The following GALNT13 variants were observed in gnomAD, a reference collection of about 807,000 sequenced individuals.
The protein encoded by GALNT13 is polypeptide N-acetylgalactosaminyltransferase 13, also known as UDP-GalNAc:polypeptide N-acetylgalactosaminyltransferase 13.
In GALNT13, 28 loss-of-function variants were observed where a neutral mutation model predicts 64.2. The observed-to-expected ratio is 0.44, with a 90% CI of 0.32 to 0.60. The LOEUF is 0.60. Ranked by LOEUF, GALNT13 falls within the 20% of genes least tolerant of loss-of-function variation. The pLI is 0.05. For missense variants in GALNT13, 577 were observed against 669.8 expected, an observed-to-expected ratio of 0.86 and a Z score of 1.53; for synonymous variants, 214 against 224.6, an observed-to-expected ratio of 0.95 and a Z score of 0.42.
intron 9 of GALNT13, among the ~76,000 whole-genome samples, chr2:154,317,420 G>T (rs1217756715): frequency 1.3e-5 from 2 of 152,092 alleles, no homozygotes; most frequent in Non-Finnish European, 2.9e-5. Context: ...ATATTCAAAG[G>T]CTAGATGTTA....
the GALNT13 span, among the ~76,000 whole-genome samples, chr2:153,689,861 C>A: frequency 1.3e-5 from 2 of 151,932 alleles, no homozygotes; most frequent in Admixed American, 1.3e-4. Flanking sequence ...AATCTTGAAT[C>A]TGTTTTTTTC....
intron 1 of GALNT13, among the ~76,000 whole-genome samples, chr2:153,890,365 CAG>C (rs1410231042): frequency 6.6e-6 from 1 of 151,918 alleles, no homozygotes; most frequent in African/African-American, 2.4e-5. Flanking sequence ...GGTTCAAGGA[CAG>C]GGAGTTTTGT....
chr2:154,005,609 G>A (rs997990777), intron 3 of GALNT13, among the ~76,000 whole-genome samples: 20 of 152,076 alleles, frequency 1.3e-4, no homozygotes, highest in Non-Finnish European at 1.9e-4. Flanking sequence ...AGCACACAGC[G>A]AGTTTATTAT....
chr2:153,345,395 A>T, the GALNT13 span, among the ~76,000 whole-genome samples: 1 of 152,144 alleles, frequency 6.6e-6, no homozygotes, highest in Non-Finnish European at 1.5e-5. Context: ...TTGCTGCAGG[A>T]GAATGTCTTG....
chr2:154,305,327 G>A (rs1693670528), intron 9 of GALNT13, among the ~76,000 whole-genome samples: 1 of 151,928 alleles, frequency 6.6e-6, no homozygotes, highest in Admixed American at 6.6e-5. Context: ...AGGGGTGGGA[G>A]CTACATGCAT....
At chr2:153,161,770 A>G in the GALNT13 span, among the ~76,000 whole-genome samples, 2 of 152,210 alleles carry the variant, frequency 1.3e-5, no homozygotes, top group Non-Finnish European at 2.9e-5. Context: ...CTTGTAAGCC[A>G]TAATAAGACC....
At chr2:153,761,233 G>A in the GALNT13 span, among the ~76,000 whole-genome samples, 1 of 152,056 alleles carries the variant, frequency 6.6e-6, no homozygotes, top group South Asian at 2.1e-4. Context: ...AAAGTAATTA[G>A]TGATAGGTAA....
intron 3 of GALNT13, among the ~76,000 whole-genome samples, chr2:154,130,706 T>C (rs1019403374): frequency 6.6e-6 from 1 of 152,184 alleles, no homozygotes; most frequent in African/African-American, 2.4e-5. Flanking sequence ...AAAATATATG[T>C]CCACTTCCTA....
chr2:153,313,633 C>T, the GALNT13 span, among the ~76,000 whole-genome samples: 1 of 152,198 alleles, frequency 6.6e-6, no homozygotes, highest in Non-Finnish European at 1.5e-5. Context: ...GTAATTTGTA[C>T]AACAAACTCT....
chr2:153,944,735 A>C, intron 3 of GALNT13, 96 bp downstream of exon 3: 1 of 1,080,330 alleles, frequency 9.3e-7, no homozygotes. Context: ...GTTTTGCCTT[A>C]GTGAGTTAGA....
chr2:154,399,468 G>A (rs799745), intron 10 of GALNT13, among the ~76,000 whole-genome samples: 52,207 of 151,842 alleles, frequency 0.34, 9,411 homozygotes, highest in African/African-American at 0.45. Flanking sequence ...GGAAAAAGAG[G>A]CAAATGATAT....
At chr2:153,152,637 T>A in the GALNT13 span, among the ~76,000 whole-genome samples, 1 of 151,816 alleles carries the variant, frequency 6.6e-6, no homozygotes, top group Non-Finnish European at 1.5e-5. Flanking sequence ...TAGCTCTCCC[T>A]GATAAGTGAG....
the GALNT13 span, among the ~76,000 whole-genome samples, chr2:153,469,207 C>T: frequency 1.3e-5 from 2 of 152,046 alleles, no homozygotes; most frequent in African/African-American, 4.8e-5. Context: ...ATGTTGCAAA[C>T]ACAGAGATGC....
intron 3 of GALNT13, among the ~76,000 whole-genome samples, chr2:154,022,685 C>G (rs1272953762): frequency 1.3e-5 from 2 of 152,126 alleles, no homozygotes; most frequent in Non-Finnish European, 2.9e-5. Context: ...CTTTTTGTGT[C>G]TCTATTTCCT....
chr2:153,873,219 G>A (rs1053116262), intron 1 of GALNT13, among the ~76,000 whole-genome samples: 1 of 152,124 alleles, frequency 6.6e-6, no homozygotes, highest in Non-Finnish European at 1.5e-5. Context: ...GTGGGGACGC[G>A]GAGGAGACAG....
chr2:154,159,116 A>T (rs896587278), intron 4 of GALNT13, among the ~76,000 whole-genome samples: 1 of 151,408 alleles, frequency 6.6e-6, no homozygotes, highest in African/African-American at 2.4e-5. Flanking sequence ...TTTATTATTT[A>T]TTTTATTTAT....
At chr2:153,994,170 G>C (rs931829477) in intron 3 of GALNT13, among the ~76,000 whole-genome samples, 1 of 151,928 alleles carries the variant, frequency 6.6e-6, no homozygotes, top group East Asian at 1.9e-4. Flanking sequence ...GCAGTGTTTG[G>C]TTTTTTTGTC....
chr2:154,069,923 G>A (rs1333695933), intron 3 of GALNT13, among the ~76,000 whole-genome samples: 2 of 152,100 alleles, frequency 1.3e-5, no homozygotes, highest in Non-Finnish European at 2.9e-5. Context: ...TGGATAAAGA[G>A]TTGATGAAAC....
intron 4 of GALNT13, among the ~76,000 whole-genome samples, chr2:154,228,706 C>T (rs1688758002): frequency 6.6e-6 from 1 of 152,000 alleles, no homozygotes; most frequent in South Asian, 2.1e-4. Context: ...AGAAATATAA[C>T]AATGTATGAG....
Sources: allele counts gnomAD v4.1 joint callset (sites outside exome capture counted in the v4.1 genomes callset), GRCh38; gene constraint gnomAD v4.1.1; transcripts MANE v1.5; gene names NCBI Gene and HGNC (gene_info 2026-07-23, HGNC 2026-07-21).